LYZL4: variants seen among roughly 807,000 people sequenced by gnomAD.
The protein encoded by LYZL4 is lysozyme like 4.
Under a neutral mutation model 17.6 loss-of-function variants are expected in LYZL4, and 13 were observed. The ratio of observed to expected loss-of-function variants is 0.74; its 90% confidence interval spans 0.48 to 1.18. The LOEUF is 1.18. LYZL4 is among the 50% of genes most tolerant of loss of function. The pLI, the probability that LYZL4 is intolerant of heterozygous loss-of-function variation, is 0.00. For missense variants in LYZL4, 174 were observed against 188.2 expected (o/e 0.92, Z 0.44); for synonymous variants, 64 against 67.7 (o/e 0.95, Z 0.27).
At chr3:42,387,259 G>A in the LYZL4 span, among the ~76,000 whole-genome samples, 1 of 152,324 alleles carries the variant, frequency 6.6e-6, no homozygotes, top group South Asian at 2.1e-4. Flanking sequence ...CATGCCCGAG[G>A]TCAGGAAGTC....
chr3:42,388,555 T>C, the LYZL4 span, among the ~76,000 whole-genome samples: 2 of 152,178 alleles, frequency 1.3e-5, no homozygotes, highest in Admixed American at 6.5e-5. Context: ...CAGAGAGTCA[T>C]GAATGCCAGC....
the LYZL4 span, among the ~76,000 whole-genome samples, chr3:42,384,474 A>C: frequency 6.6e-6 from 1 of 152,192 alleles, no homozygotes; most frequent in Non-Finnish European, 1.5e-5. Flanking sequence ...AGACTCAAGC[A>C]GTCAGAAGTC....
At chr3:42,395,707 A>G (rs139704585), downstream of LYZL4, among the ~76,000 whole-genome samples, 6 of 152,294 alleles carry the variant, frequency 3.9e-5, no homozygotes, top group East Asian at 1.2e-3. Flanking sequence ...TGTGAGAAAT[A>G]AAAAGGGGCA....
chr3:42,388,928 G>C, the LYZL4 span, among the ~76,000 whole-genome samples: 2 of 152,210 alleles, frequency 1.3e-5, no homozygotes, highest in African/African-American at 4.8e-5. Context: ...TGGCTGCGAG[G>C]CATTGGAGAG....
the LYZL4 span, among the ~76,000 whole-genome samples, chr3:42,370,316 T>C: frequency 1.3e-5 from 2 of 151,574 alleles, no homozygotes; most frequent in Non-Finnish European, 2.9e-5. Flanking sequence ...CCCACCTCCT[T>C]ATTTTTCCTT....
At chr3:42,372,918 G>A in the LYZL4 span, among the ~76,000 whole-genome samples, 1 of 152,134 alleles carries the variant, frequency 6.6e-6, no homozygotes, top group Non-Finnish European at 1.5e-5. Flanking sequence ...CTAGAATTAG[G>A]ATGCATGGCT....
chr3:42,392,314 G>T (rs1445576265), downstream of LYZL4, among the ~76,000 whole-genome samples: 8 of 152,152 alleles, frequency 5.3e-5, no homozygotes, highest in Non-Finnish European at 1.2e-4. Context: ...GGCTGCAGAT[G>T]GTCTTATCTG....
In LYZL4 at chr3:42,401,385, AT is replaced by A. The variant is rs964398862; in HGVS notation, c.371+2660del. ...GCCACCACGCCCGGCTAATTTTTGC[AT>A]TTTTTTTTTAGTAGAGATGGGGTTT... On this transcript the variant is annotated intron_variant, in intron 4 of 4. Coordinates refer to ENST00000287748, the MANE Select transcript of LYZL4 (RefSeq NM_144634.4). Among the ~76,000 whole-genome samples the A allele has an allele frequency of 3.6e-3, 532 of 147,740 alleles. 3 individuals are homozygous for A. The highest frequency in any genetic ancestry group is 0.012 in the African/African-American group (489 of 40,374).
the LYZL4 span, among the ~76,000 whole-genome samples, chr3:42,384,109 T>C: frequency 6.6e-6 from 1 of 152,096 alleles, no homozygotes; most frequent in African/African-American, 2.4e-5. Context: ...AGAAAAGACA[T>C]ACAAAGAACT....
At chr3:42,399,344 T>C (rs1698613031) in intron 4 of LYZL4, among the ~76,000 whole-genome samples, 1 of 152,128 alleles carries the variant, frequency 6.6e-6, no homozygotes, top group Non-Finnish European at 1.5e-5. Flanking sequence ...AGGATACAAT[T>C]GAAAGAACAT....
chr3:42,361,488 T>G, the LYZL4 span, among the ~76,000 whole-genome samples: 2 of 152,032 alleles, frequency 1.3e-5, no homozygotes, highest in Non-Finnish European at 2.9e-5. Flanking sequence ...TAATGTTTTC[T>G]AATAAAAAAA....
the LYZL4 span, among the ~76,000 whole-genome samples, chr3:42,375,144 G>C: frequency 1.3e-5 from 2 of 152,054 alleles, no homozygotes; most frequent in East Asian, 1.9e-4. Flanking sequence ...AAAAATCAAG[G>C]ATCCCCCCGC....
At chr3:42,376,517 T>C in the LYZL4 span, among the ~76,000 whole-genome samples, 1 of 152,234 alleles carries the variant, frequency 6.6e-6, no homozygotes, top group Non-Finnish European at 1.5e-5. Context: ...CTTTCCAGTT[T>C]GTTCTCAGGT....
At chr3:42,410,259 G>T (rs1303480917) in intron 1 of LYZL4, among the ~76,000 whole-genome samples, 158 bp downstream of exon 1, 1 of 152,170 alleles carries the variant, frequency 6.6e-6, no homozygotes, top group African/African-American at 2.4e-5. Context: ...CAGAGTAGGT[G>T]CTCAATGAAA....
At chr3:42,405,435 G>T (rs1290164330) in intron 3 of LYZL4, among the ~76,000 whole-genome samples, 1 of 152,144 alleles carries the variant, frequency 6.6e-6, no homozygotes, top group African/African-American at 2.4e-5. Context: ...TTGCAGTCCT[G>T]CCTCTCCTTG....
At chr3:42,364,678 T>C in the LYZL4 span, among the ~76,000 whole-genome samples, 2 of 152,022 alleles carry the variant, frequency 1.3e-5, no homozygotes, top group Non-Finnish European at 2.9e-5. Context: ...CTTGCTATCT[T>C]GGCCAGGCTG....
intron 3 of LYZL4, among the ~76,000 whole-genome samples, chr3:42,406,149 T>A (rs929620927): frequency 2.0e-5 from 3 of 152,096 alleles, no homozygotes; most frequent in African/African-American, 7.2e-5. Flanking sequence ...TGGCAGCAAC[T>A]GCCCCCTTGA....
chr3:42,364,345 T>TC, the LYZL4 span, among the ~76,000 whole-genome samples: 17 of 147,836 alleles, frequency 1.1e-4, no homozygotes, highest in East Asian at 7.9e-4. Context: ...TCTTTTCTTT[T>TC]TTTTTTTTTT....
At chr3:42,371,629 C>T in the LYZL4 span, among the ~76,000 whole-genome samples, 1 of 152,154 alleles carries the variant, frequency 6.6e-6, no homozygotes, top group Non-Finnish European at 1.5e-5. Flanking sequence ...TGAGAAACAT[C>T]CAAATGAAGC....
Sources: gnomAD v4.1 joint callset for allele counts (sites outside exome capture counted in the v4.1 genomes callset) on GRCh38, gnomAD v4.1.1 for gene constraint, MANE v1.5 for transcripts, NCBI Gene and HGNC (gene_info 2026-07-23, HGNC 2026-07-21) for gene names.